FAM135B: variants seen among roughly 807,000 people sequenced by gnomAD.
The protein encoded by FAM135B is family with sequence similarity 135 member B, also known as protein FAM135B.
Under a neutral mutation model 127.7 loss-of-function variants are expected in FAM135B, and 43 were observed. The ratio of observed to expected loss-of-function variants is 0.34; its 90% CI spans 0.26 to 0.43. The LOEUF (loss-of-function observed/expected upper bound fraction) is 0.43, where lower values mean the gene tolerates loss of function less well. Ranked by LOEUF, FAM135B falls within the 20% of genes least tolerant of loss-of-function variation. FAM135B has a pLI of 1.00. For synonymous variants in FAM135B, 670 were observed against 665.1 expected, an observed-to-expected ratio of 1.01 and a Z score of -0.11; for missense variants, 1,558 against 1,725.6, an observed-to-expected ratio of 0.90 and a Z score of 1.72.
intron 1 of FAM135B, among the ~76,000 whole-genome samples, chr8:138,393,390 C>T (rs1333463551): frequency 6.6e-6 from 1 of 151,588 alleles, no homozygotes; most frequent in East Asian, 1.9e-4. Context: ...TTCTCACAAA[C>T]TTTAACATGC....
intron 3 of FAM135B, among the ~76,000 whole-genome samples, chr8:138,269,358 T>C (rs979299371): frequency 6.6e-6 from 1 of 152,190 alleles, no homozygotes; most frequent in African/African-American, 2.4e-5. Flanking sequence ...TTAGGGACCA[T>C]CTACTTGTGG....
chr8:138,163,538 G>C (rs561735510), intron 12 of FAM135B, among the ~76,000 whole-genome samples: 1 of 152,078 alleles, frequency 6.6e-6, no homozygotes, highest in Non-Finnish European at 1.5e-5. Context: ...ATCTGTTCTC[G>C]TGCTCGTGAA....
chr8:138,373,380 C>G (rs965477897), intron 1 of FAM135B, among the ~76,000 whole-genome samples: 3 of 151,348 alleles, frequency 2.0e-5, no homozygotes, highest in African/African-American at 7.3e-5. Context: ...CCAATCAATA[C>G]CCCTGTGATT....
Position 138,497,106 on chromosome 8 carries a change from C to G in FAM135B, c.-455G>C. Among the ~76,000 whole-genome samples, 1 of 151,630 alleles carries G rather than the reference C, an allele frequency of 6.6e-6. No individual in the cohort carries two copies. ...CTGGCGCCTCCCGGGCTGCGCTCACCTCTGGCGCCCTCACTCCTCTCCTTC... is the reference window on the plus strand; with the variant it reads ...CTGGCGCCTCCCGGGCTGCGCTCACGTCTGGCGCCCTCACTCCTCTCCTTC... On this transcript the variant is annotated 5_prime_UTR_variant, in exon 1 of 20. Transcript: ENST00000395297.
At chr8:138,183,202 A>AT (rs1340712131) in intron 9 of FAM135B, among the ~76,000 whole-genome samples, 1 of 152,234 alleles carries the variant, frequency 6.6e-6, no homozygotes, top group Admixed American at 6.5e-5. Context: ...CTTTGCAGAA[A>AT]TTTTAATGTA....
At chr8:138,164,824 G>A (rs541263299) in intron 12 of FAM135B, among the ~76,000 whole-genome samples, 80 of 152,342 alleles carry the variant, frequency 5.3e-4, no homozygotes, top group African/African-American at 1.9e-3. Context: ...TGTCACGGGT[G>A]CATGTCCTCA....
chr8:138,305,964 A>G (rs1826224783), intron 3 of FAM135B, among the ~76,000 whole-genome samples: 1 of 152,186 alleles, frequency 6.6e-6, no homozygotes. Context: ...TGTATATGTT[A>G]TGTCTTATGA....
At chr8:138,442,236 C>CTATA (rs1564005402) in intron 1 of FAM135B, among the ~76,000 whole-genome samples, 50 of 13,108 alleles carry the variant, frequency 3.8e-3, no homozygotes, top group Non-Finnish European at 4.1e-3. Context: ...AATATGGACA[C>CTATA]CATATATATA....
chr8:138,419,306 TAACTA>T (rs1162312007), intron 1 of FAM135B, among the ~76,000 whole-genome samples: 2 of 152,068 alleles, frequency 1.3e-5, no homozygotes, highest in African/African-American at 4.8e-5. Context: ...CAAGAAGACT[TAACTA>T]TACTAAATAC....
chr8:138,400,758 T>C (rs373524120), intron 1 of FAM135B, among the ~76,000 whole-genome samples: 1 of 152,202 alleles, frequency 6.6e-6, no homozygotes, highest in East Asian at 1.9e-4. Flanking sequence ...ACTCTACACG[T>C]AGGGAAGTGT....
intron 7 of FAM135B, among the ~76,000 whole-genome samples, chr8:138,218,478 T>C (rs889754094): frequency 2.0e-5 from 3 of 152,150 alleles, no homozygotes; most frequent in African/African-American, 7.2e-5. Flanking sequence ...GGGTTACAAT[T>C]TGAGCTCTAA....
chr8:138,290,868 A>G (rs1825059031), intron 3 of FAM135B, among the ~76,000 whole-genome samples: 1 of 152,172 alleles, frequency 6.6e-6, no homozygotes, highest in South Asian at 2.1e-4. Context: ...AGATCCTGCT[A>G]TCCCTTGTTC....
intron 1 of FAM135B, among the ~76,000 whole-genome samples, chr8:138,401,230 A>G (rs972311518): frequency 1.3e-5 from 2 of 152,214 alleles, no homozygotes; most frequent in African/African-American, 4.8e-5. Context: ...AAGCAGGACT[A>G]GTGCAGAATG....
chr8:138,199,235 A>G (rs2131153948), intron 7 of FAM135B, among the ~76,000 whole-genome samples: 1 of 152,250 alleles, frequency 6.6e-6, no homozygotes, highest in Non-Finnish European at 1.5e-5. Context: ...ACCCTCTCTA[A>G]CCACCGTACC....
chr8:138,281,773 T>C (rs913306581), intron 3 of FAM135B, among the ~76,000 whole-genome samples: 1 of 152,188 alleles, frequency 6.6e-6, no homozygotes, highest in African/African-American at 2.4e-5. Flanking sequence ...TGGCACATAT[T>C]ACTGTTTGTG....
At chr8:138,204,719 A>T (rs1817425022) in intron 7 of FAM135B, among the ~76,000 whole-genome samples, 1 of 152,252 alleles carries the variant, frequency 6.6e-6, no homozygotes, top group African/African-American at 2.4e-5. Context: ...TCCTATATAA[A>T]TATACTTGTT....
chr8:138,237,511 C>T (rs1033476485), intron 7 of FAM135B, among the ~76,000 whole-genome samples: 1 of 152,178 alleles, frequency 6.6e-6, no homozygotes, highest in African/African-American at 2.4e-5. Flanking sequence ...TATTCATCAG[C>T]TGTGATGGCT....
intron 1 of FAM135B, among the ~76,000 whole-genome samples, chr8:138,385,018 C>T (rs993675842): frequency 2.4e-4 from 36 of 152,186 alleles, no homozygotes; most frequent in African/African-American, 8.0e-4. Flanking sequence ...TGCTTCCCAG[C>T]TCTCCTGTGG....
chr8:138,222,488 A>G (rs1053361892), intron 7 of FAM135B, among the ~76,000 whole-genome samples: 2 of 152,188 alleles, frequency 1.3e-5, no homozygotes, highest in Admixed American at 6.5e-5. Context: ...CACACAGTCC[A>G]TTGAATATAG....
Sources: allele counts gnomAD v4.1 joint callset (sites outside exome capture counted in the v4.1 genomes callset), GRCh38; gene constraint gnomAD v4.1.1; transcripts MANE v1.5; gene names NCBI Gene and HGNC (gene_info 2026-07-23, HGNC 2026-07-21).